The following TMEM39A variants were observed in gnomAD, a reference collection of about 807,000 sequenced individuals.
TMEM39A encodes the protein suppressor of SQST-1 aggregates in rpl-43 mutants.
TMEM39A carries 19 observed loss-of-function variants against 51.9 expected under a neutral mutation model. The observed-to-expected ratio is 0.37, with a 90% CI of 0.26 to 0.54. The LOEUF (loss-of-function observed/expected upper bound fraction) is 0.54, where lower values mean the gene tolerates loss of function less well. Among genes scored for constraint, TMEM39A ranks in the 20% least tolerant of loss-of-function variants. The pLI, the probability that TMEM39A is intolerant of heterozygous loss-of-function variation, is 0.88. For synonymous variants in TMEM39A, 197 were observed against 220.2 expected, an observed-to-expected ratio of 0.89 and a Z score of 0.93; for missense variants, 433 against 590.5, an observed-to-expected ratio of 0.73 and a Z score of 2.76.
chr3:119,457,213 G>A (rs1442110844), intron 3 of TMEM39A, among the ~76,000 whole-genome samples: 18 of 150,824 alleles, frequency 1.2e-4, no homozygotes, highest in Admixed American at 8.6e-4. Flanking sequence ...TTCGTGATCC[G>A]CCCGCATTAG....
At chr3:119,460,381 C>T (rs1003384713) in intron 2 of TMEM39A, among the ~76,000 whole-genome samples, 26 of 152,098 alleles carry the variant, frequency 1.7e-4, no homozygotes, top group African/African-American at 6.0e-4. Context: ...CATCTGCAGA[C>T]TCTAAGTGCA....
rs568306721 is a variant in TMEM39A at position 119,451,252 on chromosome 3, T to G, written c.420+1195A>C. The G allele has an allele frequency of 3.9e-6, 5 of 1,286,564 alleles. No individual in the cohort carries two copies. In the South Asian group the frequency reaches 6.3e-5, roughly 16 times the overall value. The allele number at this position is 1,286,564 out of a possible 1,614,324, so 79.7% of individuals were successfully genotyped here. A position where few individuals can be genotyped will look rare whatever the true frequency, so the allele number is the denominator to read the frequency against. On this transcript the variant is annotated intron_variant, in intron 4 of 8. Transcript: ENST00000319172. ...TTCAAATGGTTTTCAGATCTTGACTTAGTATTTCCAGTTACTCTGCTTCCA... is the reference window on the plus strand; with the variant it reads ...TTCAAATGGTTTTCAGATCTTGACTGAGTATTTCCAGTTACTCTGCTTCCA...
Position 119,435,447 on chromosome 3 carries a change from T to C in TMEM39A, c.1113-565A>G, listed in dbSNP as rs183261962. ...ATACATCTCACACACACACACAGAC[T>C]TTTCACTGCTTTCATGGTTTATTTT... On this transcript the variant is annotated intron_variant, in intron 7 of 8. Transcript: ENST00000319172. 59 of 981,536 alleles carry C rather than the reference T, an allele frequency of 6.0e-5. No individual in the cohort carries two copies. In the Admixed American group the frequency reaches 9.0e-4, roughly 15 times the overall value. 60.8% of individuals were successfully genotyped at this position (981,536 alleles called of 1,614,324 possible).
At position 119,450,800 on chromosome 3, in the gene TMEM39A, C is replaced by T. The variant is rs114037815; in HGVS notation, c.420+1647G>A. On this transcript the variant is annotated intron_variant, in intron 4 of 8. Transcript: ENST00000319172. ...GGCACCACTGTGCTCCTGCTTCAAC[C>T]TAGGCGACAGAGCCAGACTCCATCT... Among the ~76,000 whole-genome samples the T allele has an allele frequency of 3.4e-3, 391 of 113,914 alleles. 2 individuals carry two copies. The highest frequency in any genetic ancestry group is 0.013 in the African/African-American group (372 of 28,474). 74.7% of individuals were successfully genotyped at this position (113,914 alleles called of 152,430 possible). A position where few individuals can be genotyped will look rare whatever the true frequency, so the allele number is the denominator to read the frequency against.
At chr3:119,449,764 G>A (rs960804724) in intron 4 of TMEM39A, among the ~76,000 whole-genome samples, 1 of 152,146 alleles carries the variant, frequency 6.6e-6, no homozygotes, top group Non-Finnish European at 1.5e-5. Flanking sequence ...TAAAAAGAGA[G>A]TTGCTTCAGG....
intron 3 of TMEM39A, among the ~76,000 whole-genome samples, chr3:119,453,423 C>T (rs1015071135): frequency 3.3e-5 from 5 of 152,182 alleles, no homozygotes; most frequent in African/African-American, 9.7e-5. Flanking sequence ...GATTACTATT[C>T]GTTCCTTCTG....
At chr3:119,448,280 C>A (rs1479776054) in intron 4 of TMEM39A, among the ~76,000 whole-genome samples, 1 of 152,036 alleles carries the variant, frequency 6.6e-6, no homozygotes, top group East Asian at 1.9e-4. Flanking sequence ...CATTTTCTTT[C>A]TGAATGAACT....
intron 4 of TMEM39A, chr3:119,451,383 T>C: frequency 1.1e-6 from 1 of 937,232 alleles, no homozygotes; most frequent in South Asian, 1.4e-5. Context: ...TAACTATTCA[T>C]TTAAAATTTC....
chr3:119,451,106 T>A, intron 4 of TMEM39A: 1 of 399,396 alleles, frequency 2.5e-6, no homozygotes, highest in South Asian at 3.7e-5. Context: ...GCTTTCACAA[T>A]ATAACAAAAA....
intron 4 of TMEM39A, among the ~76,000 whole-genome samples, chr3:119,452,139 G>A (rs1029236458): frequency 3.3e-5 from 5 of 152,098 alleles, no homozygotes; most frequent in African/African-American, 7.2e-5. Context: ...ATAACACTTC[G>A]TATTAATAGT....
chr3:119,429,733 T>C lies in TMEM39A; in HGVS notation c.*2248A>G, dbSNP rs998869940. 6.6e-6 allele frequency: 1 copy of C among 152,086 alleles called. No individual in the cohort carries two copies. Among genetic ancestry groups the C allele is most frequent in the Non-Finnish European group, 1.5e-5 (1 of 67,988 alleles). 9.4% of individuals were successfully genotyped at this position (152,086 alleles called of 1,614,324 possible). ...GTCTTATGCCCCGTATGCTGCCATATCTGGAGGTGAGGGTAGGAGGAACTT... is the reference window on the plus strand; with the variant it reads ...GTCTTATGCCCCGTATGCTGCCATACCTGGAGGTGAGGGTAGGAGGAACTT... On this transcript the variant is annotated 3_prime_UTR_variant, in exon 9 of 9. Transcript: ENST00000319172.
intron 3 of TMEM39A, among the ~76,000 whole-genome samples, chr3:119,456,122 G>A (rs935318833): frequency 2.0e-5 from 3 of 152,110 alleles, no homozygotes; most frequent in Non-Finnish European, 2.9e-5. Flanking sequence ...ATTTTAATGT[G>A]TGTTCGTTAT....
Position 119,435,982 on chromosome 3 carries a change from G to A in TMEM39A, c.1112+809C>T, listed in dbSNP as rs561106421. On this transcript the variant is annotated intron_variant, in intron 7 of 8. Transcript: ENST00000319172. ...ATAATTGAAGGGAGAACTCTCAGGG[G>A]GAGAGGGAAAGGGAAGGTCACCTCA... 1,511 of 1,261,622 alleles carry A rather than the reference G, an allele frequency of 1.2e-3. 1 individual carries two copies. Among genetic ancestry groups the A allele is most frequent in the Non-Finnish European group, 1.4e-3 (1,374 of 965,852 alleles). 78.2% of individuals were successfully genotyped at this position (1,261,622 alleles called of 1,614,324 possible).
intron 2 of TMEM39A, among the ~76,000 whole-genome samples, chr3:119,459,911 T>C (rs888755160): frequency 1.3e-5 from 2 of 152,208 alleles, no homozygotes; most frequent in South Asian, 2.1e-4. Flanking sequence ...GGACACTCCT[T>C]CTTTCTATAT....
At chr3:119,459,716 TAG>T (rs1560022183) in intron 2 of TMEM39A, among the ~76,000 whole-genome samples, 1 of 152,194 alleles carries the variant, frequency 6.6e-6, no homozygotes, top group Non-Finnish European at 1.5e-5. Context: ...CTTGACATTC[TAG>T]AGTTTAACTT....
intron 4 of TMEM39A, among the ~76,000 whole-genome samples, chr3:119,448,217 C>T (rs1294106229): frequency 6.6e-6 from 1 of 152,166 alleles, no homozygotes; most frequent in Non-Finnish European, 1.5e-5. Flanking sequence ...AATCGCAAAT[C>T]TTTAAAACTG....
chr3:119,437,980 G>A lies in TMEM39A; in HGVS notation c.699C>T (p.Gly233=). ...AVEESASTVG[G]LAKSKDFLSL... is the part of the protein sequence containing the mutation. ...AGAGAAAGTCTTTGGATTTGGCCAA[G>A]CCTCCCACAGTCGAGGCACTTTCCT... is the stretch of plus-strand genomic sequence containing the variant. The change falls in exon 6 of 9, where the codon GGC becomes GGT. Residue 233 remains glycine (G), a synonymous_variant. Coordinates refer to ENST00000319172, the MANE Select transcript of TMEM39A (RefSeq NM_018266.3). 1 of 1,614,140 alleles carries A rather than the reference G, an allele frequency of 6.2e-7. No individual in the cohort carries two copies. Among genetic ancestry groups the A allele is most frequent in the Non-Finnish European group, 8.5e-7 (1 of 1,180,012 alleles).
intron 1 of TMEM39A, among the ~76,000 whole-genome samples, chr3:119,463,050 C>T (rs2081361035): frequency 1.3e-5 from 2 of 152,236 alleles, no homozygotes; most frequent in South Asian, 4.1e-4. Context: ...CAGCCTTCGG[C>T]TGTAAACTAA....
rs186771464 is a variant in TMEM39A at position 119,435,161 on chromosome 3, T to G, written c.1113-279A>C. ...TTAGAAGAATGAGCAGACATAAATG[T>G]GTAAGCCAGAAAACAGTGTGTAAGC... On this transcript the variant is annotated intron_variant, in intron 7 of 8. Transcript: ENST00000319172. 1.5e-4 allele frequency: 145 copies of G among 985,412 alleles called. No individual in the cohort carries two copies. The African/African-American group carries it at 2.4e-3, about 16-fold the overall frequency. The allele number at this position is 985,412 out of a possible 1,614,324, so 61.0% of individuals were successfully genotyped here.
Sources: gnomAD v4.1 joint callset for allele counts (sites outside exome capture counted in the v4.1 genomes callset) on GRCh38, gnomAD v4.1.1 for gene constraint, MANE v1.5 for transcripts, NCBI Gene and HGNC (gene_info 2026-07-23, HGNC 2026-07-21) for gene names.